The following COG5 variants were observed in gnomAD, a reference collection of about 807,000 sequenced individuals.
The protein encoded by COG5 is conserved oligomeric Golgi complex subunit 5.
A neutral mutation model predicts 110.4 loss-of-function variants in COG5; 86 were observed. The ratio of observed to expected loss-of-function variants is 0.78; its 90% CI spans 0.65 to 0.93. The LOEUF (loss-of-function observed/expected upper bound fraction) is 0.93, where lower values mean the gene tolerates loss of function less well. COG5 is among the 40% of genes least tolerant of loss of function. The pLI is 0.00. For missense variants in COG5, 1,077 were observed against 987.0 expected (o/e 1.09, Z -1.22); for synonymous variants, 360 against 334.6 (o/e 1.08, Z -0.83).
chr7:107,244,981 T>C (rs1363078583), intron 17 of COG5, among the ~76,000 whole-genome samples: 1 of 151,996 alleles, frequency 6.6e-6, no homozygotes, highest in Non-Finnish European at 1.5e-5. Flanking sequence ...TACCAAAACT[T>C]GGCAGAGACA....
chr7:107,389,606 G>C (rs1790465967), intron 7 of COG5, among the ~76,000 whole-genome samples: 3 of 152,216 alleles, frequency 2.0e-5, no homozygotes, highest in South Asian at 4.1e-4. Context: ...TGTCACAGGG[G>C]ACAAGCCCGT....
chr7:107,525,015 C>A lies in COG5; in HGVS notation c.538+2222G>T, dbSNP rs548972031. ...AGATCTCGGCTCACTGCAACCTCCG[C>A]CTCCTGGGTTCAAGTGATTCTCCTA... On this transcript the variant is annotated intron_variant, in intron 6 of 21. Transcript: ENST00000297135. Among the ~76,000 whole-genome samples, 4 of 152,088 alleles carry A rather than the reference C, an allele frequency of 2.6e-5. No individual in the cohort carries two copies. The South Asian group carries it at 8.3e-4, about 32-fold the overall frequency.
chr7:107,211,346 C>T, intron 19 of COG5, 121 bp from the exon 20 acceptor site: 1 of 1,080,970 alleles, frequency 9.3e-7, no homozygotes, highest in Non-Finnish European at 1.4e-6. Flanking sequence ...AGGAGCCCTC[C>T]ACTGCTTAAC....
At chr7:107,265,428 C>T (rs568444528) in intron 14 of COG5, among the ~76,000 whole-genome samples, 2 of 152,220 alleles carry the variant, frequency 1.3e-5, no homozygotes, top group South Asian at 2.1e-4. Context: ...CAGGCATATA[C>T]CACCATGGCC....
At chr7:107,386,428 C>G (rs1281052258) in intron 7 of COG5, among the ~76,000 whole-genome samples, 2 of 152,034 alleles carry the variant, frequency 1.3e-5, no homozygotes, top group Admixed American at 6.5e-5. Flanking sequence ...CCAGACAGAC[C>G]CCCGCAGCTG....
intron 19 of COG5, among the ~76,000 whole-genome samples, chr7:107,221,275 CA>C (rs1799906958): frequency 6.6e-6 from 1 of 151,486 alleles, no homozygotes; most frequent in African/African-American, 2.4e-5. Context: ...GAGAAGACCC[CA>C]GGGGTGGGGG....
intron 12 of COG5, among the ~76,000 whole-genome samples, chr7:107,290,894 G>A (rs556266963): frequency 2.6e-5 from 4 of 152,240 alleles, no homozygotes; most frequent in East Asian, 1.9e-4. Context: ...GGCCTCAAGC[G>A]ATCCTCCTGC....
chr7:107,221,085 G>C (rs925478354), intron 19 of COG5, among the ~76,000 whole-genome samples: 1 of 152,060 alleles, frequency 6.6e-6, no homozygotes, highest in Non-Finnish European at 1.5e-5. Flanking sequence ...CCAAAGTGCT[G>C]GAATTACAGG....
intron 7 of COG5, among the ~76,000 whole-genome samples, chr7:107,379,296 A>G (rs1179602045): frequency 6.6e-6 from 1 of 152,228 alleles, no homozygotes; most frequent in Non-Finnish European, 1.5e-5. Flanking sequence ...AGGAAAAACC[A>G]GTACCAGCTA....
At chr7:107,468,569 A>C (rs1796442524) in intron 6 of COG5, among the ~76,000 whole-genome samples, 1 of 152,120 alleles carries the variant, frequency 6.6e-6, no homozygotes, top group Non-Finnish European at 1.5e-5. Flanking sequence ...CTTGCCACCC[A>C]AAGCTGTGCA....
intron 6 of COG5, among the ~76,000 whole-genome samples, chr7:107,449,221 T>TG (rs1795185513): frequency 6.6e-6 from 1 of 152,114 alleles, no homozygotes; most frequent in Non-Finnish European, 1.5e-5. Flanking sequence ...AAATACCTAA[T>TG]GCATACGGGA....
chr7:107,540,628 C>A (rs928080255), intron 5 of COG5, among the ~76,000 whole-genome samples: 3 of 149,040 alleles, frequency 2.0e-5, no homozygotes, highest in Non-Finnish European at 3.0e-5. Flanking sequence ...AAAAAAAGAT[C>A]AAACTGATTC....
intron 6 of COG5, among the ~76,000 whole-genome samples, chr7:107,493,593 C>T (rs1798097993): frequency 6.6e-6 from 1 of 152,030 alleles, no homozygotes; most frequent in Non-Finnish European, 1.5e-5. Flanking sequence ...TGCCTGTGTC[C>T]CACAAATCTC....
At chr7:107,351,866 C>A (rs1470328087) in intron 10 of COG5, among the ~76,000 whole-genome samples, 2 of 149,714 alleles carry the variant, frequency 1.3e-5, no homozygotes, top group Non-Finnish European at 3.0e-5. Flanking sequence ...GTTGGTGGGA[C>A]TGTAAACTAG....
intron 12 of COG5, among the ~76,000 whole-genome samples, chr7:107,289,569 T>C (rs182479790): frequency 1.3e-5 from 2 of 152,330 alleles, no homozygotes; most frequent in East Asian, 3.9e-4. Context: ...GTTACTGTAC[T>C]GAATCGATAT....
intron 1 of COG5, among the ~76,000 whole-genome samples, chr7:107,560,302 TACTATGTTAAC>T (rs1803673708): frequency 6.6e-6 from 1 of 152,156 alleles, no homozygotes; most frequent in Non-Finnish European, 1.5e-5. Flanking sequence ...GCCAGTAAAG[TACTATGTTAAC>T]AGCCTAAGAC....
intron 18 of COG5, among the ~76,000 whole-genome samples, chr7:107,235,532 G>A (rs1438277937): frequency 6.6e-6 from 1 of 152,136 alleles, no homozygotes; most frequent in African/African-American, 2.4e-5. Flanking sequence ...GTTAAACCCT[G>A]TCTGTACTAA....
chr7:107,541,936 G>GAAAAAAAAAAAAAAAAAAAAAAA (rs1211146282), intron 5 of COG5, among the ~76,000 whole-genome samples: 2 of 80,426 alleles, frequency 2.5e-5, no homozygotes, highest in Non-Finnish European at 2.7e-5. Flanking sequence ...TCTCAAAAAA[G>GAAAAAAAAAAAAAAAAAAAAAAA]AAAAAAAAAA....
chr7:107,549,536 C>T (rs892341311), intron 3 of COG5, among the ~76,000 whole-genome samples: 3 of 151,492 alleles, frequency 2.0e-5, no homozygotes, highest in South Asian at 2.1e-4. Flanking sequence ...GGATTACAGG[C>T]GCCCACCACC....
Sources: gnomAD v4.1 joint callset for allele counts (sites outside exome capture counted in the v4.1 genomes callset) on GRCh38, gnomAD v4.1.1 for gene constraint, MANE v1.5 for transcripts, NCBI Gene and HGNC (gene_info 2026-07-23, HGNC 2026-07-21) for gene names.